NOP2: variants seen among roughly 807,000 people sequenced by gnomAD.
The protein encoded by NOP2 is 28S rRNA (cytosine(4447)-C(5))-methyltransferase.
A neutral mutation model predicts 72.7 loss-of-function variants in NOP2; 7 were observed. The ratio of observed to expected loss-of-function variants is 0.10; its 90% CI spans 0.05 to 0.18. The LOEUF (loss-of-function observed/expected upper bound fraction) is 0.18, where lower values mean the gene tolerates loss of function less well. Ranked by LOEUF, NOP2 falls within the 10% of genes least tolerant of loss-of-function variation. The probability of loss-of-function intolerance (pLI) is 1.00; values close to 1 mark genes in which losing one functional copy is unlikely to be tolerated. For synonymous variants in NOP2, 387 were observed against 388.0 expected, an observed-to-expected ratio of 1.00 and a Z score of 0.03; for missense variants, 954 against 1,014.7, an observed-to-expected ratio of 0.94 and a Z score of 0.81.
At chr12:6,566,929 T>C in intron 2 of NOP2, 107 bp from the exon 3 acceptor site, 1 of 848,608 alleles carries the variant, frequency 1.2e-6, no homozygotes, top group Non-Finnish European at 1.9e-6. Context: ...TTAAAAGGAG[T>C]CCATTTAAAT....
At chr12:6,561,336 A>C (rs969989267) in intron 11 of NOP2, among the ~76,000 whole-genome samples, 9 of 152,258 alleles carry the variant, frequency 5.9e-5, no homozygotes, top group Non-Finnish European at 1.3e-4. Flanking sequence ...GCAGCTTAAT[A>C]AAAGTTATGG....
At position 6,567,788 on chromosome 12, in the gene NOP2, G is replaced by A. The variant is rs1947819749; in HGVS notation, c.103+28C>T. 7 of 1,546,884 alleles carry A rather than the reference G, an allele frequency of 4.5e-6. No individual in the cohort carries two copies. In the East Asian group the frequency reaches 1.3e-4, roughly 30 times the overall value. ...AATACAGAATACTGCAAAAGCTGAG[G>A]GATCAGGAGGCCACAACTAATCCTT... On this transcript the variant is annotated intron_variant, in intron 2 of 15. Transcript: ENST00000322166.
Position 6,560,221 on chromosome 12 carries a change from C to G in NOP2, c.1666G>C (p.Glu556Gln). The change falls in exon 15 of 16, where the codon GAA becomes CAA. Residue 556 changes from glutamate to glutamine, a missense_variant. Physicochemically the swap from Glu to Gln is conservative, Grantham distance 29. Transcript: ENST00000322166. This position sits in a 1 kb window ranked among gnomAD's most constrained non-coding sequence, Gnocchi z 5.0. Reference protein sequence around the residue: ...FGQEGFTRFRERRFHPSLRST... With the variant: ...FGQEGFTRFRQRRFHPSLRST... ...CGCAGACTGGGGTGGAAGCGCCTTTCTCGAAAGCGGGTAAAACCTTCCTGG... is the reference window on the plus strand; with the variant it reads ...CGCAGACTGGGGTGGAAGCGCCTTTGTCGAAAGCGGGTAAAACCTTCCTGG... 6.2e-7 allele frequency: 1 copy of G among 1,614,006 alleles called. No individual in the cohort carries two copies. The highest frequency in any genetic ancestry group is 2.2e-5 in the East Asian group (1 of 44,866).
chr12:6,566,225 T>C lies in NOP2; in HGVS notation c.350A>G (p.Glu117Gly). 6.2e-7 allele frequency: 1 copy of C among 1,613,970 alleles called. No homozygotes were observed. The highest frequency in any genetic ancestry group is 8.5e-7 in the Non-Finnish European group (1 of 1,179,882). Residue 117 changes from glutamate (E) to glycine (G), a missense_variant, in exon 5 of 16, where the codon GAG (glutamate) becomes GGG (glycine). Around this residue, in one of 3 missense-constraint regions of NOP2, gnomAD observed 498 missense variants for 478.3 expected, o/e 1.04. Transcript: ENST00000322166. Reference protein sequence around the residue: ...PAPGSDEEEEEEDSEEDGMVN... With the variant: ...PAPGSDEEEEGEDSEEDGMVN... ...CATACCATCTTCTTCAGAGTCTTCC[T>C]CCTCCTCTTCCTCATCACTGCCAGG...
chr12:6,563,975 G>C, intron 5 of NOP2, 29 bp from the exon 6 acceptor site: 1 of 1,608,708 alleles, frequency 6.2e-7, no homozygotes, highest in African/African-American at 1.3e-5. Context: ...TATTAATACA[G>C]GCCTGCCCTT....
rs754243282 is a variant in NOP2, at chr12:6,566,666, C to T, written c.150-49G>A. Reference sequence around the variant, plus strand: ...GGAGTGAAGAAATGGGAAGATACTTCCAGGCTCTGCCATTTCCACCATAGG... The same window carrying T: ...GGAGTGAAGAAATGGGAAGATACTTTCAGGCTCTGCCATTTCCACCATAGG... On this transcript the variant is annotated intron_variant, in intron 3 of 15. Coordinates refer to ENST00000322166, the MANE Select transcript of NOP2 (RefSeq NM_001258308.2). The T allele has an allele frequency of 5.6e-5, 89 of 1,598,400 alleles. No homozygotes were observed. The South Asian group carries it at 8.7e-4, about 16-fold the overall frequency.
At position 6,557,506 on chromosome 12, in the gene NOP2, G is replaced by C; in HGVS notation, c.1926C>G (p.Pro642=). ...TKQQLQKQQH[P]KKASFQKLNG... ...TCAGCTTCTGGAAGGAGGCCTTCTT[G>C]GGATGTTGCTGTTTCTGCAGCTGCT... The change falls in exon 16 of 16, where the codon CCC becomes CCG. Residue 642 remains proline (P), a synonymous_variant. Transcript: ENST00000322166. 1 of 1,613,918 alleles carries C rather than the reference G, an allele frequency of 6.2e-7. No homozygotes were observed. The highest frequency in any genetic ancestry group is 8.5e-7 in the Non-Finnish European group (1 of 1,179,878).
chr12:6,563,847 C>A, intron 6 of NOP2, 44 bp downstream of exon 6: 1 of 1,613,472 alleles, frequency 6.2e-7, no homozygotes, highest in Non-Finnish European at 8.5e-7. Context: ...CTTCCCCACC[C>A]CAGTGGCTTC....
In NOP2 at chr12:6,561,853, G is replaced by A. The variant is rs766373426; in HGVS notation, c.1066+31C>T. 36 of 1,609,768 alleles carry A rather than the reference G, an allele frequency of 2.2e-5. No individual in the cohort carries two copies. The Middle Eastern group carries it at 1.7e-3, about 74-fold the overall frequency. On this transcript the variant is annotated intron_variant, in intron 10 of 15. Transcript: ENST00000322166. ...ACATGCGGTAGGGACAGGGACAGAG[G>A]TAGAAGGGCTCTTGGGTGGGGGAGA...
intron 15 of NOP2, chr12:6,558,140 C>CA (rs1186896591): frequency 0.24 from 41,472 of 173,564 alleles, 6,037 homozygotes; most frequent in Admixed American, 0.36. Context: ...GACACCGTCT[C>CA]AAAAAAAAAA....
chr12:6,563,195 A>C (rs755504079), intron 8 of NOP2, 25 bp from the exon 9 acceptor site: 3 of 1,569,362 alleles, frequency 1.9e-6, no homozygotes, highest in Non-Finnish European at 1.7e-6. Flanking sequence ...AGCAGGGAAT[A>C]AGTGAGGCTG....
Position 6,557,360 on chromosome 12 carries a change from T to G in NOP2, c.2072A>C (p.Glu691Ala), listed in dbSNP as rs1484193935. ...QPAGKAEGIR[E>A]PKVTGKLKQR... The stretch of plus-strand genomic sequence containing the variant: ...CTTTAGCTTCCCAGTCACCTTTGGC[T>G]CCCTGATCCCTTCGGCTTTTCCAGC... The change falls in exon 16 of 16, where the codon GAG becomes GCG. Residue 691 changes from glutamate to alanine, a missense_variant. Physicochemically the swap from Glu to Ala is moderately radical, Grantham distance 107 (BLOSUM62 -1). Transcript: ENST00000322166. The G allele has an allele frequency of 6.2e-7, 1 of 1,614,040 alleles. No individual in the cohort carries two copies. The highest frequency in any genetic ancestry group is 2.2e-5 in the East Asian group (1 of 44,886).
chr12:6,567,476 C>A (rs1437849861), intron 2 of NOP2: 1 of 239,022 alleles, frequency 4.2e-6, no homozygotes, highest in Non-Finnish European at 8.2e-6. Flanking sequence ...TGACCCCTCC[C>A]CTTCACTACT....
In NOP2 at chr12:6,560,597, C is replaced by T. The variant is rs139266465; in HGVS notation, c.1438-28G>A. The stretch of plus-strand genomic sequence containing the variant: ...GTCCCAAAAAGAGACCCAAAGGCAG[C>T]CTCAGGAGGAGAGGGGAGCCCAGAG... On this transcript the variant is annotated intron_variant, in intron 13 of 15. Transcript: ENST00000322166. The surrounding 1 kb of genome is among the most constrained non-coding windows in gnomAD (Gnocchi z 5.0). 1.2e-6 allele frequency: 2 copies of T among 1,600,674 alleles called. No individual in the cohort carries two copies. Among genetic ancestry groups the T allele is most frequent in the East Asian group, 2.2e-5 (1 of 44,570 alleles).
At chr12:6,566,880 G>A in intron 2 of NOP2, 58 bp from the exon 3 acceptor site, 1 of 1,403,140 alleles carries the variant, frequency 7.1e-7, no homozygotes, top group Admixed American at 1.9e-5. Context: ...AAAATAAATG[G>A]GAACGGAAAT....
chr12:6,568,077 C>G, intron 1 of NOP2, 130 bp downstream of exon 1: 1 of 610,438 alleles, frequency 1.6e-6, no homozygotes, highest in South Asian at 2.0e-5. Context: ...GACTCAAGCA[C>G]CCCCGCTATC....
chr12:6,557,569 C>G lies in NOP2; in HGVS notation c.1863G>C (p.Gln621His). The G allele has an allele frequency of 6.2e-7, 1 of 1,613,924 alleles. No homozygotes were observed. The highest frequency in any genetic ancestry group is 1.1e-5 in the South Asian group (1 of 91,074). ...QVIPKSENSS[Q>H]PAKKAKGAAK... ...CAGCCCCCTTGGCTTTCTTGGCTGGCTGGCTGCTGTTCTCAGACTTGGGGA... is the reference window on the plus strand; with the variant it reads ...CAGCCCCCTTGGCTTTCTTGGCTGGGTGGCTGCTGTTCTCAGACTTGGGGA... The change falls in exon 16 of 16, where the codon CAG (glutamine) becomes CAC (histidine). Residue 621 changes from glutamine to histidine, a missense_variant. This residue lies in a region of NOP2 where 269 missense variants were observed against 260.2 expected (regional missense o/e 1.03). Transcript: ENST00000322166.
chr12:6,566,069 C>T (rs1301555170), intron 5 of NOP2, 32 bp downstream of exon 5: 1 of 1,539,508 alleles, frequency 6.5e-7, no homozygotes, highest in Non-Finnish European at 8.9e-7. Flanking sequence ...AGCAAGGATC[C>T]TTCTATGAAT....
chr12:6,557,635 A>T lies in NOP2; in HGVS notation c.1797T>A (p.Ser599=). The T allele has an allele frequency of 6.2e-7, 1 of 1,609,016 alleles. No individual in the cohort carries two copies. Among genetic ancestry groups the T allele is most frequent in the Non-Finnish European group, 8.5e-7 (1 of 1,177,850 alleles). ...CTACATTTGTAGGTGTGGCTGTTTC[A>T]GAATTTCCTGGGGTTAAAATTAAAC... ...NSIPQSQTGN[S]ETATPTNVDL... Residue 599 remains serine, a synonymous_variant, in exon 16 of 16, where the codon TCT becomes TCA. Transcript: ENST00000322166.
Sources: gnomAD v4.1 joint callset for allele counts (sites outside exome capture counted in the v4.1 genomes callset) on GRCh38, gnomAD v4.1.1 for gene constraint, gnomAD v4.1.1 regional missense constraint, Gnocchi (gnomAD v3.1) non-coding constraint, MANE v1.5 for transcripts, NCBI Gene and HGNC (gene_info 2026-07-23, HGNC 2026-07-21) for gene names.